The following BMS1 variants were observed in gnomAD, a reference collection of about 807,000 sequenced individuals.
The protein encoded by BMS1 is BMS1 ribosome biogenesis factor.
Under a neutral mutation model 138.7 loss-of-function variants are expected in BMS1, and 53 were observed. That is an observed-to-expected ratio of 0.38 (90% CI 0.31 to 0.48). BMS1 has a LOEUF of 0.48. BMS1 is among the 20% of genes least tolerant of loss of function. The pLI is 0.97. For synonymous variants in BMS1, 504 were observed against 539.9 expected, an observed-to-expected ratio of 0.93 and a Z score of 0.92; for missense variants, 1,360 against 1,565.5, an observed-to-expected ratio of 0.87 and a Z score of 2.22.
chr10:42,792,289 A>G (rs1841527776), intron 6 of BMS1, among the ~76,000 whole-genome samples: 1 of 152,192 alleles, frequency 6.6e-6, no homozygotes, highest in Non-Finnish European at 1.5e-5. Context: ...TATGGAATGA[A>G]TATCACTTTC....
intron 12 of BMS1, among the ~76,000 whole-genome samples, chr10:42,800,676 A>G (rs11239774): frequency 0.47 from 71,462 of 151,438 alleles, 17,560 homozygotes; most frequent in East Asian, 0.63. Context: ...ACAGGCGCCC[A>G]CCACTAGGCC....
At chr10:42,826,079 C>T (rs1398946592) in intron 21 of BMS1, among the ~76,000 whole-genome samples, 1 of 152,072 alleles carries the variant, frequency 6.6e-6, no homozygotes, top group African/African-American at 2.4e-5. Context: ...GATTGATTTA[C>T]ATATGTTAAA....
chr10:42,805,618 A>T lies in BMS1; in HGVS notation c.2329+3400A>T, dbSNP rs529253946. ...ACATTGAGTTTTCTGATCTATGAAC[A>T]TAGTAACTCTCCATTTATCTTGTTC... On this transcript the variant is annotated intron_variant, in intron 13 of 22. Transcript: ENST00000374518. Among the ~76,000 whole-genome samples, 33 of 152,340 alleles carry T rather than the reference A, an allele frequency of 2.2e-4. No individual in the cohort carries two copies. The South Asian group carries it at 6.4e-3, about 30-fold the overall frequency.
intron 13 of BMS1, 95 bp downstream of exon 13, chr10:42,802,313 A>G (rs1198318409): frequency 1.8e-6 from 2 of 1,081,632 alleles, no homozygotes; most frequent in Non-Finnish European, 2.6e-6. Flanking sequence ...AATAATAGTC[A>G]CTTGTCAAAT....
intron 5 of BMS1, among the ~76,000 whole-genome samples, 197 bp from the exon 6 acceptor site, chr10:42,791,430 C>T (rs996479839): frequency 3.3e-5 from 5 of 152,138 alleles, no homozygotes; most frequent in African/African-American, 7.2e-5. Flanking sequence ...TGCCCCGGCT[C>T]GGCTGCAGAG....
chr10:42,830,910 G>A lies in BMS1; in HGVS notation c.3663G>A (p.Lys1221=), dbSNP rs150743357. 3.7e-6 allele frequency: 6 copies of A among 1,612,338 alleles called. No homozygotes were observed. The African/African-American group carries it at 5.3e-5, about 14-fold the overall frequency. Residue 1221 remains lysine (K), a synonymous_variant, in exon 23 of 23, where the codon AAG becomes AAA. Coordinates refer to ENST00000374518, the MANE Select transcript of BMS1 (RefSeq NM_014753.4). The part of the protein sequence containing the change: ...LDALSTVHSQ[K]MKKAKEQRHL... ...CTCTGAGTACGGTGCATAGTCAGAA[G>A]ATGAAGAAGGCCAAGGAGCAGCGGC...
At chr10:42,811,559 C>T (rs1026381535) in intron 13 of BMS1, among the ~76,000 whole-genome samples, 1 of 112,386 alleles carries the variant, frequency 8.9e-6, no homozygotes, top group African/African-American at 3.8e-5. Flanking sequence ...GAGTCTCGCT[C>T]TGTCGCCCAG....
At chr10:42,805,518 T>TA (rs1308413964) in intron 13 of BMS1, among the ~76,000 whole-genome samples, 1 of 152,214 alleles carries the variant, frequency 6.6e-6, no homozygotes, top group Non-Finnish European at 1.5e-5. Flanking sequence ...TCAATTGCTA[T>TA]AAAAAAGCCC....
At chr10:42,806,737 G>GAAAAA (rs35466848) in intron 13 of BMS1, among the ~76,000 whole-genome samples, 4 of 99,402 alleles carry the variant, frequency 4.0e-5, no homozygotes, top group African/African-American at 7.0e-5. Context: ...TCCGTCTCAG[G>GAAAAA]AAAAAAAAAA....
chr10:42,823,391 C>G, intron 20 of BMS1, 126 bp downstream of exon 20: 1 of 1,313,814 alleles, frequency 7.6e-7, no homozygotes, highest in Non-Finnish European at 1.0e-6. Flanking sequence ...ATCTCCCAGT[C>G]TTATGGGTGT....
At chr10:42,799,695 C>T (rs1016533886) in intron 12 of BMS1, among the ~76,000 whole-genome samples, 1 of 152,202 alleles carries the variant, frequency 6.6e-6, no homozygotes, top group African/African-American at 2.4e-5. Flanking sequence ...GGAAATCAAG[C>T]TTTGCTGCTC....
intron 12 of BMS1, among the ~76,000 whole-genome samples, chr10:42,799,085 C>G (rs1841791151): frequency 6.6e-6 from 1 of 152,158 alleles, no homozygotes; most frequent in South Asian, 2.1e-4. Flanking sequence ...CCACAGCTTA[C>G]CCTCCTCTTA....
chr10:42,813,895 T>C (rs1436876790), intron 13 of BMS1, among the ~76,000 whole-genome samples: 1 of 152,226 alleles, frequency 6.6e-6, no homozygotes, highest in East Asian at 1.9e-4. Context: ...ATATAGAATT[T>C]GCAACCAACA....
At chr10:42,782,998 G>T (rs1256222014) in intron 1 of BMS1, among the ~76,000 whole-genome samples, 168 bp downstream of exon 1, 2 of 151,988 alleles carry the variant, frequency 1.3e-5, no homozygotes, top group Non-Finnish European at 2.9e-5. Context: ...GGGGTAGTTG[G>T]GTGAGTGACG....
chr10:42,823,627 C>T lies in BMS1; in HGVS notation c.3299C>T (p.Thr1100Ile). ...LLMSDIVFMRTWYPVSIPAFY... is the reference protein window; with the variant it reads ...LLMSDIVFMRIWYPVSIPAFY... ...TTTTCAGATATTGTCTTCATGCGAA[C>T]TTGGTATCCTGTTTCCATCCCAGCG... Residue 1100 changes from threonine (T) to isoleucine (I), a missense_variant, in exon 21 of 23, where the codon ACT becomes ATT. Thr to Ile is a moderately conservative substitution (Grantham distance 89). Coordinates refer to ENST00000374518, the MANE Select transcript of BMS1 (RefSeq NM_014753.4). 2 of 1,568,854 alleles carry T rather than the reference C, an allele frequency of 1.3e-6. No individual in the cohort carries two copies. Among genetic ancestry groups the T allele is most frequent in the East Asian group, 2.3e-5 (1 of 43,772 alleles).
intron 13 of BMS1, among the ~76,000 whole-genome samples, chr10:42,810,315 T>A (rs1040288213): frequency 6.6e-6 from 1 of 152,244 alleles, no homozygotes; most frequent in Non-Finnish European, 1.5e-5. Context: ...ATCACACTTA[T>A]GAACTACGAA....
At chr10:42,791,223 G>GTC (rs1257990070) in intron 5 of BMS1, among the ~76,000 whole-genome samples, 1 of 152,188 alleles carries the variant, frequency 6.6e-6, no homozygotes, top group Non-Finnish European at 1.5e-5. Flanking sequence ...TATCTCATTT[G>GTC]TCTCTCTCTG....
intron 13 of BMS1, among the ~76,000 whole-genome samples, chr10:42,805,746 A>G (rs2132339105): frequency 6.6e-6 from 1 of 152,252 alleles, no homozygotes; most frequent in Middle Eastern, 3.4e-3. Flanking sequence ...TATATAAGAA[A>G]TGCAGTTGAT....
rs764411078 is a variant in BMS1, at chr10:42,823,804, T to C, written c.3456+20T>C. 6.6e-7 allele frequency: 1 copy of C among 1,520,160 alleles called. No homozygotes were observed. The highest frequency in any genetic ancestry group is 2.3e-5 in the East Asian group (1 of 42,652). 94.2% of individuals were successfully genotyped at this position (1,520,160 alleles called of 1,614,324 possible). On this transcript the variant is annotated intron_variant, in intron 21 of 22. Transcript: ENST00000374518. ...TATAAGGTACTGGTCGCGTGTGTGT[T>C]AGTGGAGATGAAGCCTGTGCTCTAC...
Sources: allele counts gnomAD v4.1 joint callset (sites outside exome capture counted in the v4.1 genomes callset), GRCh38; gene constraint gnomAD v4.1.1; transcripts MANE v1.5; gene names NCBI Gene and HGNC (gene_info 2026-07-23, HGNC 2026-07-21).